GPC5: variants seen among roughly 807,000 people sequenced by gnomAD.
GPC5 encodes the protein glypican-5.
In GPC5, 47 loss-of-function variants were observed where a neutral mutation model predicts 53.9. That is an observed-to-expected ratio of 0.87 (90% confidence interval 0.69 to 1.11). The LOEUF (loss-of-function observed/expected upper bound fraction) is 1.11, where lower values mean the gene tolerates loss of function less well. Among genes scored for constraint, GPC5 ranks in the 50% most tolerant of loss-of-function variants. GPC5 has a pLI of 0.00. For missense variants in GPC5, 748 were observed against 713.1 expected, an observed-to-expected ratio of 1.05 and a Z score of -0.56; for synonymous variants, 286 against 263.3, an observed-to-expected ratio of 1.09 and a Z score of -0.84.
At chr13:91,930,956 GAAATTTCTTTTCTTA>G (rs1269919664) in intron 6 of GPC5, among the ~76,000 whole-genome samples, 1 of 152,010 alleles carries the variant, frequency 6.6e-6, no homozygotes, top group Non-Finnish European at 1.5e-5. Flanking sequence ...CCATGATTCA[GAAATTTCTTTTCTTA>G]AAAACTTCTA....
At chr13:92,317,779 G>A (rs1271397533) in intron 7 of GPC5, among the ~76,000 whole-genome samples, 1 of 152,122 alleles carries the variant, frequency 6.6e-6, no homozygotes, top group African/African-American at 2.4e-5. Context: ...GGGATTACAG[G>A]CATGAGCCAC....
chr13:92,379,736 C>T (rs1036082984), intron 7 of GPC5, among the ~76,000 whole-genome samples: 4 of 152,136 alleles, frequency 2.6e-5, no homozygotes, highest in African/African-American at 4.8e-5. Context: ...TAGTTCCTCT[C>T]TGTGCCCACT....
At chr13:92,106,180 A>C (rs1303107473) in intron 6 of GPC5, among the ~76,000 whole-genome samples, 2 of 152,038 alleles carry the variant, frequency 1.3e-5, no homozygotes, top group Admixed American at 1.3e-4. Context: ...GATAATGATA[A>C]TTATTTTTCC....
At chr13:92,758,621 G>A (rs992149117) in intron 7 of GPC5, among the ~76,000 whole-genome samples, 1 of 152,160 alleles carries the variant, frequency 6.6e-6, no homozygotes. Flanking sequence ...TTAGCCAGAA[G>A]ATGAGCTGAC....
rs555711593 is a variant in GPC5, at chr13:92,800,366, T to C, written c.1562-65916T>C. On this transcript the variant is annotated intron_variant, in intron 7 of 7. Coordinates refer to ENST00000377067, the MANE Select transcript of GPC5 (RefSeq NM_004466.6). ...AAGAACCAAACACAAACCCTTCCTT[T>C]GGTCATTTTTGCTCAAGTCAAACCC... is the stretch of plus-strand genomic sequence containing the variant. 2.6e-5 allele frequency among the ~76,000 whole-genome samples: 4 copies of C among 151,940 alleles called. No individual in the cohort carries two copies. In the East Asian group the frequency reaches 5.8e-4, roughly 22 times the overall value.
At chr13:92,379,053 A>G (rs1470366909) in intron 7 of GPC5, among the ~76,000 whole-genome samples, 4 of 152,200 alleles carry the variant, frequency 2.6e-5, no homozygotes, top group African/African-American at 4.8e-5. Flanking sequence ...GAGGTAACCC[A>G]GTTTTGAAGC....
intron 6 of GPC5, among the ~76,000 whole-genome samples, chr13:91,917,800 A>G (rs1031968283): frequency 6.6e-6 from 1 of 152,156 alleles, no homozygotes; most frequent in African/African-American, 2.4e-5. Context: ...CATTGTCCAT[A>G]TCACTATCAG....
intron 2 of GPC5, among the ~76,000 whole-genome samples, chr13:91,602,736 A>G (rs913628837): frequency 1.3e-5 from 2 of 152,208 alleles, no homozygotes; most frequent in African/African-American, 2.4e-5. Flanking sequence ...ACTATCGGGT[A>G]TGTAATTGGT....
chr13:92,212,454 C>G (rs73627728), intron 7 of GPC5, among the ~76,000 whole-genome samples: 186 of 152,264 alleles, frequency 1.2e-3, no homozygotes, highest in African/African-American at 4.4e-3. Context: ...AATTCATGAG[C>G]AGCTTTGTTA....
At chr13:92,402,563 G>A (rs929275273) in intron 7 of GPC5, among the ~76,000 whole-genome samples, 2 of 152,140 alleles carry the variant, frequency 1.3e-5, no homozygotes, top group Non-Finnish European at 2.9e-5. Context: ...CTGTGTTGGG[G>A]GATGGTTTCA....
chr13:92,278,003 A>G (rs2042888094), intron 7 of GPC5, among the ~76,000 whole-genome samples: 1 of 151,878 alleles, frequency 6.6e-6, no homozygotes, highest in Non-Finnish European at 1.5e-5. Context: ...AATAATGAAA[A>G]GTTTTTATTT....
intron 7 of GPC5, among the ~76,000 whole-genome samples, chr13:92,190,772 A>G (rs541270694): frequency 1.3e-5 from 2 of 152,286 alleles, no homozygotes; most frequent in Non-Finnish European, 2.9e-5. Context: ...ATGCTCAATT[A>G]AAACCACAAA....
chr13:92,526,009 C>T (rs1412688171), intron 7 of GPC5, among the ~76,000 whole-genome samples: 1 of 152,040 alleles, frequency 6.6e-6, no homozygotes, highest in Admixed American at 6.6e-5. Context: ...GTTCACTACC[C>T]CTTGATTACA....
chr13:91,708,095 C>T (rs1025910922), intron 3 of GPC5, among the ~76,000 whole-genome samples: 6 of 152,014 alleles, frequency 3.9e-5, no homozygotes, highest in African/African-American at 1.4e-4. Flanking sequence ...TTGGTCAGTG[C>T]CAGACCTCAA....
chr13:92,457,907 G>A (rs140726948), intron 7 of GPC5, among the ~76,000 whole-genome samples: 21 of 152,072 alleles, frequency 1.4e-4, no homozygotes, highest in African/African-American at 4.6e-4. Flanking sequence ...ACTATTCCAC[G>A]CAGAACTGAC....
chr13:92,112,905 A>G (rs2041569714), intron 6 of GPC5, among the ~76,000 whole-genome samples: 2 of 152,156 alleles, frequency 1.3e-5, no homozygotes, highest in South Asian at 4.1e-4. Context: ...ATTTATGCCT[A>G]TTTACATAAA....
intron 7 of GPC5, among the ~76,000 whole-genome samples, chr13:92,352,866 C>T (rs1187720420): frequency 6.6e-6 from 1 of 152,168 alleles, no homozygotes; most frequent in Non-Finnish European, 1.5e-5. Flanking sequence ...AGAGCAACAC[C>T]TGCCCATGTA....
At chr13:92,400,077 A>C (rs1875488252) in intron 7 of GPC5, among the ~76,000 whole-genome samples, 1 of 152,200 alleles carries the variant, frequency 6.6e-6, no homozygotes, top group African/African-American at 2.4e-5. Context: ...TTCTTCGTGA[A>C]TTGCCTCTTG....
intron 2 of GPC5, among the ~76,000 whole-genome samples, chr13:91,661,957 A>G (rs1255167744): frequency 1.3e-5 from 2 of 152,192 alleles, no homozygotes; most frequent in African/African-American, 4.8e-5. Flanking sequence ...TGTCTTAGAA[A>G]TTTCATTAAA....
Sources: allele counts gnomAD v4.1 joint callset (sites outside exome capture counted in the v4.1 genomes callset), GRCh38; gene constraint gnomAD v4.1.1; transcripts MANE v1.5; gene names NCBI Gene and HGNC (gene_info 2026-07-23, HGNC 2026-07-21).